Variants in CFAP70 observed in about 807,000 individuals in gnomAD.
CFAP70 encodes cilia- and flagella-associated protein 70.
In CFAP70, 81 loss-of-function variants were observed where a neutral mutation model predicts 137.6. The ratio of observed to expected loss-of-function variants is 0.59; its 90% CI spans 0.49 to 0.71. The LOEUF (loss-of-function observed/expected upper bound fraction) is 0.71. CFAP70 is among the 30% of genes least tolerant of loss of function. The pLI, the probability that CFAP70 is intolerant of heterozygous loss-of-function variation, is 0.00. For missense variants in CFAP70, 976 were observed against 1,226.7 expected, an observed-to-expected ratio of 0.80 and a Z score of 3.05; for synonymous variants, 382 against 423.6, an observed-to-expected ratio of 0.90 and a Z score of 1.20.
intron 25 of CFAP70, among the ~76,000 whole-genome samples, chr10:73,266,218 CTTCA>C (rs1229832536): frequency 1.3e-5 from 2 of 152,116 alleles, no homozygotes; most frequent in Admixed American, 1.3e-4. Context: ...TTGCGTTAAT[CTTCA>C]TTGACTAAAT....
intron 12 of CFAP70, among the ~76,000 whole-genome samples, chr10:73,302,406 C>G (rs12262951): frequency 0.15 from 23,177 of 152,070 alleles, 2,866 homozygotes; most frequent in African/African-American, 0.32. Context: ...CCCAAGAACA[C>G]ACCACTGGAT....
At chr10:73,310,286 A>T in intron 11 of CFAP70, 37 bp from the exon 13 acceptor site, 1 of 1,469,552 alleles carries the variant, frequency 6.8e-7, no homozygotes, top group Non-Finnish European at 9.3e-7. Flanking sequence ...TTCCAGAAAA[A>T]AATATATTTA....
At position 73,299,684 on chromosome 10, in the gene CFAP70, A is replaced by C; in HGVS notation, c.1257-19T>G. On this transcript the variant is annotated intron_variant, in intron 12 of 26. Transcript: ENST00000310715. ...CTTGACCCTGTATCAGGAAAGAAAA[A>C]AAATAAAAAAACAAAAAAAAATTTA... The C allele has an allele frequency of 6.3e-7, 1 of 1,595,342 alleles. No individual in the cohort carries two copies. Among genetic ancestry groups the C allele is most frequent in the East Asian group, 2.3e-5 (1 of 44,344 alleles).
chr10:73,326,637 A>C (rs2051463497), intron 8 of CFAP70, among the ~76,000 whole-genome samples: 1 of 151,948 alleles, frequency 6.6e-6, no homozygotes, highest in African/African-American at 2.4e-5. Context: ...AGATGCAATA[A>C]AAAATGATAA....
At chr10:73,257,338 C>T (rs547479584) in intron 25 of CFAP70, among the ~76,000 whole-genome samples, 22 of 152,278 alleles carry the variant, frequency 1.4e-4, no homozygotes, top group Admixed American at 7.2e-4. Context: ...CTATGAAGAT[C>T]TGGATATGAG....
intron 24 of CFAP70, among the ~76,000 whole-genome samples, chr10:73,271,854 C>T (rs1036370318): frequency 7.2e-5 from 11 of 152,072 alleles, no homozygotes; most frequent in African/African-American, 2.7e-4. Context: ...CACATGCCAC[C>T]ATGCCTGGTT....
At chr10:73,269,702 G>A (rs1261854036) in exon 25 of CFAP70, 1 of 1,612,280 alleles carries the variant, frequency 6.2e-7, no homozygotes, top group Non-Finnish European at 8.5e-7. Flanking sequence ...CTCAGCCTCT[G>A]TGAGCTCCTC....
intron 6 of CFAP70, 135 bp downstream of exon 7, chr10:73,341,264 A>T: frequency 1.4e-6 from 1 of 713,764 alleles, no homozygotes; most frequent in Non-Finnish European, 2.3e-6. Flanking sequence ...AATCAGAATT[A>T]GATATGTGTT....
At chr10:73,265,068 G>A (rs1236199873) in intron 25 of CFAP70, among the ~76,000 whole-genome samples, 17 of 152,200 alleles carry the variant, frequency 1.1e-4, no homozygotes, top group Non-Finnish European at 7.3e-5. Flanking sequence ...GCTCACGCCT[G>A]TAATCCCAGC....
chr10:73,269,775 AC>A (rs1169247593), intron 24 of CFAP70, 60 bp from the exon 26 acceptor site: 4 of 980,090 alleles, frequency 4.1e-6, no homozygotes, highest in African/African-American at 3.2e-5. Context: ...TCCCAATAAT[AC>A]TGGTGTATAT....
At chr10:73,357,836 C>A (rs1409729913) in intron 1 of CFAP70, among the ~76,000 whole-genome samples, 1 of 152,246 alleles carries the variant, frequency 6.6e-6, no homozygotes, top group Non-Finnish European at 1.5e-5. Context: ...AAATCCAGCT[C>A]AAATGCTTCC....
intron 22 of CFAP70, chr10:73,274,832 G>C: frequency 2.1e-6 from 1 of 474,270 alleles, no homozygotes; most frequent in Non-Finnish European, 3.7e-6. Context: ...AGCCATTTTG[G>C]GTGTGGAGTA....
intron 8 of CFAP70, among the ~76,000 whole-genome samples, chr10:73,325,614 T>G (rs1029748738): frequency 6.6e-6 from 1 of 152,018 alleles, no homozygotes; most frequent in Non-Finnish European, 1.5e-5. Flanking sequence ...GGGACACACA[T>G]AGGCTCAAAA....
intron 9 of CFAP70, among the ~76,000 whole-genome samples, chr10:73,319,004 G>C (rs768755396): frequency 6.6e-6 from 1 of 152,152 alleles, no homozygotes; most frequent in Non-Finnish European, 1.5e-5. Context: ...GTGCTCCCCA[G>C]ACATGGAAAT....
At chr10:73,338,535 G>A (rs923432102) in intron 6 of CFAP70, among the ~76,000 whole-genome samples, 9 of 150,838 alleles carry the variant, frequency 6.0e-5, no homozygotes, top group African/African-American at 2.2e-4. Context: ...GGTTCAAGTG[G>A]TTCTCCTACC....
At chr10:73,302,881 T>C (rs1416267087) in intron 12 of CFAP70, among the ~76,000 whole-genome samples, 2 of 133,496 alleles carry the variant, frequency 1.5e-5, no homozygotes, top group Admixed American at 6.9e-5. Flanking sequence ...TTCTTTTCTT[T>C]TCTTTTTTTT....
exon 14 of CFAP70, chr10:73,299,018 C>G (rs763913215): frequency 8.7e-6 from 14 of 1,613,790 alleles, no homozygotes; most frequent in Non-Finnish European, 1.1e-5. Context: ...CCAGTTTGGC[C>G]ACCTGTTTTC....
chr10:73,288,080 T>G (rs963616296), intron 19 of CFAP70, among the ~76,000 whole-genome samples: 1 of 152,068 alleles, frequency 6.6e-6, no homozygotes, highest in African/African-American at 2.4e-5. Context: ...GTTTTTTTAG[T>G]AGAGACGGGT....
intron 6 of CFAP70, 112 bp downstream of exon 7, chr10:73,341,287 G>A (rs2053226115): frequency 1.1e-6 from 1 of 926,688 alleles, no homozygotes; most frequent in South Asian, 1.9e-5. Context: ...ATTTTGGCAT[G>A]TAAGTATTTC....
Sources: allele counts gnomAD v4.1 joint callset (sites outside exome capture counted in the v4.1 genomes callset), GRCh38; gene constraint gnomAD v4.1.1; transcripts MANE v1.5; gene names NCBI Gene and HGNC (gene_info 2026-07-23, HGNC 2026-07-21).